The following ZNG1A variants were observed in gnomAD, a reference collection of about 807,000 sequenced individuals.
ZNG1A encodes the protein Zn regulated GTPase metalloprotein activator 1A.
chr9:138,470 A>T, the ZNG1A span, among the ~76,000 whole-genome samples: 1 of 141,948 alleles, frequency 7.0e-6, no homozygotes, highest in Non-Finnish European at 1.5e-5. Flanking sequence ...ATAAAACACT[A>T]TCATGTCCTA....
At chr9:163,857 C>T in the ZNG1A span, 1,568 of 1,100,524 alleles carry the variant, frequency 1.4e-3, 11 homozygotes, top group Non-Finnish European at 1.9e-3. Context: ...GTAAAGGTTG[C>T]AGTGAGCCGA....
chr9:170,756 A>AT, the ZNG1A span, among the ~76,000 whole-genome samples: 1,502 of 142,766 alleles, frequency 0.011, 25 homozygotes, highest in African/African-American at 0.035. Context: ...AGGTATTTAA[A>AT]TTTTTTTACA....
At chr9:140,799 T>A in the ZNG1A span, among the ~76,000 whole-genome samples, 6 of 148,404 alleles carry the variant, frequency 4.0e-5, no homozygotes, top group South Asian at 2.2e-4. Flanking sequence ...TTGAAAAAAA[T>A]TTAGAAGAAT....
At chr9:166,069 G>A in the ZNG1A span, 1 of 144,032 alleles carries the variant, frequency 6.9e-6, no homozygotes, top group Admixed American at 7.0e-5. Context: ...TTTCAAGAGT[G>A]AGTTTTAACC....
the ZNG1A span, among the ~76,000 whole-genome samples, chr9:174,722 T>A: frequency 2.6e-5 from 4 of 151,108 alleles, no homozygotes; most frequent in African/African-American, 9.8e-5. Flanking sequence ...TGAAAAAAAA[T>A]AGTACATTTT....
chr9:143,043 C>A, the ZNG1A span, among the ~76,000 whole-genome samples: 4 of 147,374 alleles, frequency 2.7e-5, no homozygotes, highest in Non-Finnish European at 5.9e-5. Context: ...GAAATTGTGT[C>A]AATAATCAAT....
chr9:174,164 T>G, the ZNG1A span, among the ~76,000 whole-genome samples: 1 of 149,690 alleles, frequency 6.7e-6, no homozygotes, highest in East Asian at 1.9e-4. Context: ...AAAAAAAACC[T>G]AAACTTTTAG....
At chr9:138,479 T>C in the ZNG1A span, among the ~76,000 whole-genome samples, 5 of 143,130 alleles carry the variant, frequency 3.5e-5, no homozygotes, top group Non-Finnish European at 7.5e-5. Context: ...TATCATGTCC[T>C]ACCTCACAGG....
the ZNG1A span, among the ~76,000 whole-genome samples, chr9:175,954 A>C: frequency 6.6e-6 from 1 of 150,416 alleles, no homozygotes; most frequent in Non-Finnish European, 1.5e-5. Context: ...AACCTGTTGC[A>C]AAATACTTTA....
chr9:130,081 G>A, the ZNG1A span, among the ~76,000 whole-genome samples: 5 of 151,324 alleles, frequency 3.3e-5, no homozygotes, highest in African/African-American at 4.9e-5. Flanking sequence ...CAGCTCCATC[G>A]TAATCTTATG....
At chr9:137,605 C>T in the ZNG1A span, among the ~76,000 whole-genome samples, 3 of 151,182 alleles carry the variant, frequency 2.0e-5, no homozygotes, top group African/African-American at 7.3e-5. Context: ...AAAGGATCAT[C>T]GAGAGAAAAG....
the ZNG1A span, among the ~76,000 whole-genome samples, chr9:140,560 G>A: frequency 1.3e-5 from 2 of 151,634 alleles, no homozygotes; most frequent in East Asian, 1.9e-4. Context: ...CACAAAGATG[G>A]GGAAAAAACA....
chr9:147,006 T>G, the ZNG1A span: 4 of 150,766 alleles, frequency 2.7e-5, no homozygotes, highest in Non-Finnish European at 4.4e-5. Flanking sequence ...GGTGAAACCC[T>G]GTCTCTACCA....
chr9:169,358 T>C, the ZNG1A span, among the ~76,000 whole-genome samples: 1 of 147,216 alleles, frequency 6.8e-6, no homozygotes, highest in Non-Finnish European at 1.5e-5. Flanking sequence ...CTTTAACTAA[T>C]GAGAAGTTGT....
the ZNG1A span, chr9:172,218 T>C: frequency 6.2e-7 from 1 of 1,604,402 alleles, no homozygotes; most frequent in Non-Finnish European, 8.5e-7. Context: ...CCTAAATATT[T>C]TGAAGTGATT....
At chr9:175,217 A>T in the ZNG1A span, among the ~76,000 whole-genome samples, 3 of 152,116 alleles carry the variant, frequency 2.0e-5, no homozygotes, top group African/African-American at 7.2e-5. Flanking sequence ...GTCTCTACTA[A>T]AAATACAAAA....
the ZNG1A span, among the ~76,000 whole-genome samples, chr9:129,349 T>C: frequency 2.0e-5 from 3 of 151,874 alleles, no homozygotes; most frequent in Admixed American, 1.3e-4. Flanking sequence ...AAGGTTCAAA[T>C]TGAACTTGCA....
the ZNG1A span, among the ~76,000 whole-genome samples, chr9:175,050 G>A: frequency 0.17 from 25,533 of 152,034 alleles, 2,539 homozygotes; most frequent in East Asian, 0.42. Flanking sequence ...AGTTGCAATA[G>A]AGTCCATACA....
the ZNG1A span, among the ~76,000 whole-genome samples, chr9:144,693 G>A: frequency 5.0e-4 from 76 of 151,832 alleles, no homozygotes; most frequent in African/African-American, 1.8e-3. Context: ...AAAATTGACA[G>A]ATGGGATCTA....
Sources: allele counts gnomAD v4.1 joint callset (sites outside exome capture counted in the v4.1 genomes callset), GRCh38; gene constraint gnomAD v4.1.1; transcripts MANE v1.5; gene names NCBI Gene and HGNC (gene_info 2026-07-23, HGNC 2026-07-21).